Variants in TAS2R1 observed in about 807,000 individuals in gnomAD.
TAS2R1 encodes taste 2 receptor member 1.
For synonymous variants in TAS2R1, 141 were observed against 134.2 expected (o/e 1.05, Z -0.35); for missense variants, 370 against 353.4 (o/e 1.05, Z -0.38).
At chr5:9,869,385 T>C in the TAS2R1 span, among the ~76,000 whole-genome samples, 1 of 152,156 alleles carries the variant, frequency 6.6e-6, no homozygotes, top group Non-Finnish European at 1.5e-5. Context: ...GTATGTGCAG[T>C]GAACTGCCCT....
At chr5:9,873,362 G>A in the TAS2R1 span, among the ~76,000 whole-genome samples, 1 of 151,788 alleles carries the variant, frequency 6.6e-6, no homozygotes, top group Non-Finnish European at 1.5e-5. Context: ...CCCACACAGG[G>A]GTGCCCCATA....
chr5:9,736,619 T>C, the TAS2R1 span, among the ~76,000 whole-genome samples: 2 of 152,238 alleles, frequency 1.3e-5, no homozygotes, highest in Admixed American at 6.5e-5. Flanking sequence ...CAAAACCCAC[T>C]TCCTAATTGC....
At chr5:9,840,574 T>C in the TAS2R1 span, among the ~76,000 whole-genome samples, 1 of 152,128 alleles carries the variant, frequency 6.6e-6, no homozygotes, top group Non-Finnish European at 1.5e-5. Context: ...TGAATTGTTG[T>C]CATGCATTTT....
At chr5:9,806,723 T>C in the TAS2R1 span, among the ~76,000 whole-genome samples, 2 of 152,114 alleles carry the variant, frequency 1.3e-5, no homozygotes, top group South Asian at 2.1e-4. Context: ...TGGATTCTCA[T>C]TTCTCATCTT....
intron 1 of TAS2R1, among the ~76,000 whole-genome samples, chr5:9,677,836 T>C (rs1309125852): frequency 2.0e-5 from 3 of 152,174 alleles, no homozygotes. Context: ...CCCAATTGAT[T>C]AGAAAACTTA....
chr5:9,749,771 A>C, the TAS2R1 span, among the ~76,000 whole-genome samples: 1 of 152,214 alleles, frequency 6.6e-6, no homozygotes, highest in African/African-American at 2.4e-5. Flanking sequence ...CTGGATTAAC[A>C]CAACAAAACT....
At chr5:9,755,479 C>A in the TAS2R1 span, among the ~76,000 whole-genome samples, 42 of 147,696 alleles carry the variant, frequency 2.8e-4, no homozygotes, top group Non-Finnish European at 5.9e-4. Context: ...CCCAGCTACT[C>A]GGGAGGCTGA....
At chr5:9,895,724 C>T in the TAS2R1 span, among the ~76,000 whole-genome samples, 35 of 152,348 alleles carry the variant, frequency 2.3e-4, no homozygotes, top group African/African-American at 7.7e-4. Context: ...TTAAATCACA[C>T]TGTCTACAAT....
At chr5:9,880,031 G>A in the TAS2R1 span, among the ~76,000 whole-genome samples, 2 of 152,258 alleles carry the variant, frequency 1.3e-5, no homozygotes, top group East Asian at 3.9e-4. Flanking sequence ...AGCCCCTGAA[G>A]AAGCCATAGA....
the TAS2R1 span, among the ~76,000 whole-genome samples, chr5:9,768,927 C>A: frequency 6.6e-6 from 1 of 152,270 alleles, no homozygotes; most frequent in East Asian, 1.9e-4. Flanking sequence ...ACAAATGATA[C>A]AATCCTCCTT....
intron 1 of TAS2R1, among the ~76,000 whole-genome samples, chr5:9,674,420 C>T (rs575754280): frequency 3.2e-4 from 48 of 152,258 alleles, no homozygotes; most frequent in African/African-American, 1.1e-3. Context: ...CTTCCCCTGG[C>T]ATAATGTTTA....
At chr5:9,881,905 T>C in the TAS2R1 span, among the ~76,000 whole-genome samples, 36 of 152,054 alleles carry the variant, frequency 2.4e-4, no homozygotes, top group Non-Finnish European at 4.3e-4. Flanking sequence ...TATAAAAACC[T>C]TAGAAGAAAA....
intron 1 of TAS2R1, among the ~76,000 whole-genome samples, chr5:9,708,431 T>C (rs1338287509): frequency 3.3e-5 from 5 of 152,154 alleles, no homozygotes; most frequent in African/African-American, 1.2e-4. Context: ...AAGAAATACA[T>C]ATAAAGGGAG....
chr5:9,886,331 A>ATTTTTT, the TAS2R1 span, among the ~76,000 whole-genome samples: 4 of 98,100 alleles, frequency 4.1e-5, no homozygotes, highest in African/African-American at 4.1e-5. Context: ...TGCGCCCAGC[A>ATTTTTT]TTTTTTTTTT....
the TAS2R1 span, among the ~76,000 whole-genome samples, chr5:9,717,665 C>A: frequency 6.8e-6 from 1 of 147,830 alleles, no homozygotes; most frequent in African/African-American, 2.5e-5. Context: ...ATCAAAGAAA[C>A]AATAAAATGT....
the TAS2R1 span, among the ~76,000 whole-genome samples, chr5:9,835,310 T>C: frequency 2.0e-5 from 3 of 152,270 alleles, no homozygotes; most frequent in African/African-American, 2.4e-5. Context: ...GGGGGAGCCC[T>C]TGTGTCCCCA....
At chr5:9,656,605 G>T (rs576672843) in intron 2 of TAS2R1, among the ~76,000 whole-genome samples, 1 of 152,162 alleles carries the variant, frequency 6.6e-6, no homozygotes, top group African/African-American at 2.4e-5. Flanking sequence ...GCCCAGCCAC[G>T]TTGGAGAGGG....
At chr5:9,838,978 GCTGGAGTA>G in the TAS2R1 span, among the ~76,000 whole-genome samples, 4 of 152,198 alleles carry the variant, frequency 2.6e-5, no homozygotes, top group African/African-American at 9.7e-5. Flanking sequence ...TGAAATCTGG[GCTGGAGTA>G]CTTATTCCAG....
chr5:9,854,477 G>A, the TAS2R1 span: 1 of 152,134 alleles, frequency 6.6e-6, no homozygotes, highest in Non-Finnish European at 1.5e-5. Flanking sequence ...ACAGTCTGTA[G>A]CGTCTTCTTC....
Sources: allele counts gnomAD v4.1 joint callset (sites outside exome capture counted in the v4.1 genomes callset), GRCh38; gene constraint gnomAD v4.1.1; transcripts MANE v1.5; gene names NCBI Gene and HGNC (gene_info 2026-07-23, HGNC 2026-07-21).